TPD52L1: variants seen among roughly 807,000 people sequenced by gnomAD.
TPD52L1 encodes the protein tumor protein D53.
In TPD52L1, 18 loss-of-function variants were observed where a neutral mutation model predicts 28.7. That is an observed-to-expected ratio of 0.63 (90% CI 0.43 to 0.93). TPD52L1 has a LOEUF of 0.93. Ranked by LOEUF, TPD52L1 falls within the 40% of genes least tolerant of loss-of-function variation. The probability of loss-of-function intolerance (pLI) is 0.00; values close to 1 mark genes in which losing one functional copy is unlikely to be tolerated. For missense variants in TPD52L1, 203 were observed against 254.8 expected (o/e 0.80, Z 1.39); for synonymous variants, 75 against 88.8 (o/e 0.84, Z 0.88).
chr6:125,196,299 CAG>C (rs1407665992), intron 1 of TPD52L1, among the ~76,000 whole-genome samples: 3 of 152,144 alleles, frequency 2.0e-5, no homozygotes, highest in African/African-American at 7.2e-5. Flanking sequence ...GTGACTGCCA[CAG>C]AGAGAAAATA....
intron 1 of TPD52L1, among the ~76,000 whole-genome samples, chr6:125,215,319 T>C (rs1016308146): frequency 1.3e-5 from 2 of 152,230 alleles, no homozygotes; most frequent in Non-Finnish European, 2.9e-5. Context: ...TTCTTGATTC[T>C]TGAATTATCC....
chr6:125,240,330 A>G (rs1220190354), intron 3 of TPD52L1, among the ~76,000 whole-genome samples: 2 of 152,030 alleles, frequency 1.3e-5, no homozygotes, highest in East Asian at 3.9e-4. Context: ...TTCCATGTGA[A>G]TTTTAGAATT....
chr6:125,260,936 G>GAA (rs71742227), intron 6 of TPD52L1: 4 of 79,244 alleles, frequency 5.0e-5, no homozygotes, highest in African/African-American at 9.8e-5. Flanking sequence ...AAGAAAGAAA[G>GAA]AAAGAAAGAA....
rs369434549 is a variant in TPD52L1, at chr6:125,153,939, G to T, written c.-13G>T. The T allele has an allele frequency of 6.2e-7, 1 of 1,605,656 alleles. No homozygotes were observed. On this transcript the variant is annotated 5_prime_UTR_variant, in exon 1 of 7. Transcript: ENST00000534000. ...AGGGTGTCCCCGCCGCCCTCAGCTC[G>T]AAGTCAGCCACCATGGAGGCGCAGG...
chr6:125,177,439 G>T (rs970404220), intron 1 of TPD52L1, among the ~76,000 whole-genome samples: 2 of 152,120 alleles, frequency 1.3e-5, no homozygotes, highest in South Asian at 2.1e-4. Flanking sequence ...ATAATTTAGA[G>T]TTGGAGAGGA....
In TPD52L1 at chr6:125,173,058, A is replaced by G. The variant is rs79025316; in HGVS notation, c.19+19088A>G. On this transcript the variant is annotated intron_variant, in intron 1 of 6. Transcript: ENST00000534000. ...TGGGTTTGCTGTTTTTACAAGACCA[A>G]TTGGTTTATCGATCAATATTGCAAT... 5.4e-3 allele frequency among the ~76,000 whole-genome samples: 816 copies of G among 152,274 alleles called. 6 individuals carry two copies. The highest frequency in any genetic ancestry group is 0.019 in the African/African-American group (771 of 41,566).
chr6:125,213,320 T>G (rs1794641221), intron 1 of TPD52L1, among the ~76,000 whole-genome samples: 1 of 152,160 alleles, frequency 6.6e-6, no homozygotes, highest in Non-Finnish European at 1.5e-5. Context: ...TAGGGAGGCA[T>G]CTGGTGTGCC....
chr6:125,201,690 C>G (rs1203611851), intron 1 of TPD52L1, among the ~76,000 whole-genome samples: 1 of 152,202 alleles, frequency 6.6e-6, no homozygotes, highest in African/African-American at 2.4e-5. Flanking sequence ...CTCTGTGATT[C>G]TAATTTGTGC....
At chr6:125,180,567 TATACAC>T (rs1056478570) in intron 1 of TPD52L1, among the ~76,000 whole-genome samples, 4 of 146,758 alleles carry the variant, frequency 2.7e-5, no homozygotes, top group East Asian at 2.5e-4. Context: ...ATATATTATA[TATACAC>T]ACACACACAC....
chr6:125,198,499 C>T (rs1186946331), intron 1 of TPD52L1, among the ~76,000 whole-genome samples: 1 of 152,198 alleles, frequency 6.6e-6, no homozygotes, highest in Non-Finnish European at 1.5e-5. Flanking sequence ...ACATGACCAG[C>T]TTCCAAAGCT....
intron 4 of TPD52L1, among the ~76,000 whole-genome samples, chr6:125,248,749 A>G (rs1354640977): frequency 6.6e-6 from 1 of 152,178 alleles, no homozygotes; most frequent in African/African-American, 2.4e-5. Context: ...CCCATAAACT[A>G]TTCTAGATTG....
chr6:125,247,388 A>G (rs918175813), intron 3 of TPD52L1, among the ~76,000 whole-genome samples: 1 of 152,126 alleles, frequency 6.6e-6, no homozygotes, highest in Non-Finnish European at 1.5e-5. Flanking sequence ...TCATCCCTAT[A>G]GGTAGCATCA....
intron 1 of TPD52L1, among the ~76,000 whole-genome samples, chr6:125,216,525 GTGTGTATATATATATATA>G (rs763770911): frequency 0.23 from 23,729 of 104,798 alleles, 2,725 homozygotes; most frequent in Admixed American, 0.38. Context: ...TTCAGTATGT[GTGTGTATATATATATATA>G]TATATATATA....
chr6:125,169,561 T>C (rs545985471), intron 1 of TPD52L1, among the ~76,000 whole-genome samples: 5 of 152,270 alleles, frequency 3.3e-5, no homozygotes, highest in African/African-American at 9.6e-5. Context: ...CGGTTTAGCT[T>C]TGTTTTCCCT....
At chr6:125,259,162 G>A (rs1057317838) in intron 6 of TPD52L1, among the ~76,000 whole-genome samples, 35 of 152,248 alleles carry the variant, frequency 2.3e-4, no homozygotes, top group South Asian at 8.3e-4. Flanking sequence ...CTCATGAGTC[G>A]GTAAAGATGA....
intron 1 of TPD52L1, among the ~76,000 whole-genome samples, chr6:125,164,845 C>G (rs1410761372): frequency 6.6e-6 from 1 of 151,988 alleles, no homozygotes; most frequent in African/African-American, 2.4e-5. Flanking sequence ...AAGAGGGCAT[C>G]TGCCTCAGTC....
In TPD52L1 at chr6:125,161,893, T is replaced by G. The variant is rs529849606; in HGVS notation, c.19+7923T>G. On this transcript the variant is annotated intron_variant, in intron 1 of 6. Transcript: ENST00000534000. ...GTTGGAAAAATGGCACCAATAGACTTGCACAACCTGGGGTTGCCACAAACC... is the reference window on the plus strand; with the variant it reads ...GTTGGAAAAATGGCACCAATAGACTGGCACAACCTGGGGTTGCCACAAACC... Among the ~76,000 whole-genome samples the G allele has an allele frequency of 2.0e-5, 3 of 152,300 alleles. No homozygotes were observed. The South Asian group carries it at 6.2e-4, about 32-fold the overall frequency.
At chr6:125,189,531 T>C (rs1035999458) in intron 1 of TPD52L1, among the ~76,000 whole-genome samples, 4 of 152,236 alleles carry the variant, frequency 2.6e-5, no homozygotes, top group African/African-American at 7.2e-5. Context: ...ATAAGACACA[T>C]TTTTAGATAT....
At chr6:125,165,217 T>G (rs1790815574) in intron 1 of TPD52L1, among the ~76,000 whole-genome samples, 1 of 151,578 alleles carries the variant, frequency 6.6e-6, no homozygotes, top group Admixed American at 6.6e-5. Context: ...GACCTCAAAA[T>G]GTGGATATTC....
Sources: allele counts gnomAD v4.1 joint callset (sites outside exome capture counted in the v4.1 genomes callset), GRCh38; gene constraint gnomAD v4.1.1; transcripts MANE v1.5; gene names NCBI Gene and HGNC (gene_info 2026-07-23, HGNC 2026-07-21).